The following RABGAP1L variants were observed in gnomAD, a reference collection of about 807,000 sequenced individuals.
RABGAP1L encodes RAB GTPase activating protein 1 like, also known as rab GTPase-activating protein 1-like.
RABGAP1L carries 63 observed loss-of-function variants against 137.7 expected under a neutral mutation model. That is an observed-to-expected ratio of 0.46 (90% CI 0.37 to 0.56). The LOEUF is 0.56. Among genes scored for constraint, RABGAP1L ranks in the 20% least tolerant of loss-of-function variants. RABGAP1L has a pLI of 0.00. For synonymous variants in RABGAP1L, 431 were observed against 433.7 expected (o/e 0.99, Z 0.08); for missense variants, 1,095 against 1,244.0 (o/e 0.88, Z 1.80).
At chr1:174,380,205 G>T (rs1685994365) in intron 12 of RABGAP1L, among the ~76,000 whole-genome samples, 1 of 151,672 alleles carries the variant, frequency 6.6e-6, no homozygotes, top group Non-Finnish European at 1.5e-5. Context: ...TTTTATTGAG[G>T]ATTTTTGCAT....
At chr1:174,347,488 TGTGTGTG>T (rs1558151239) in intron 11 of RABGAP1L, among the ~76,000 whole-genome samples, 3 of 151,658 alleles carry the variant, frequency 2.0e-5, no homozygotes, top group South Asian at 2.1e-4. Flanking sequence ...TGTGTGTGTG[TGTGTGTG>T]TGTGTTTTTT....
rs760151938 is a variant in RABGAP1L, at chr1:174,231,194, T to C, written c.381T>C (p.Asp127=). The C allele has an allele frequency of 4.3e-6, 7 of 1,613,794 alleles. No homozygotes were observed. The highest frequency in any genetic ancestry group is 5.9e-6 in the Non-Finnish European group (7 of 1,179,800). ...CTCCAGGTGGACTACCTGAAGAAGA[T>C]AGTGTTTTATTTAATAAACTGACCT... is the stretch of plus-strand genomic sequence containing the variant. The part of the protein sequence containing the change: ...PSSPGGLPEE[D]SVLFNKLTYL... Residue 127 remains aspartate, a synonymous_variant, in exon 4 of 26, where the codon GAT becomes GAC. Transcript: ENST00000681986.
chr1:174,346,738 T>C (rs1032470199), intron 11 of RABGAP1L, among the ~76,000 whole-genome samples: 15 of 151,992 alleles, frequency 9.9e-5, no homozygotes, highest in African/African-American at 3.6e-4. Context: ...TGGTGTGATA[T>C]TTATTATTTC....
intron 13 of RABGAP1L, among the ~76,000 whole-genome samples, chr1:174,581,285 G>T (rs1668726524): frequency 6.6e-6 from 1 of 152,174 alleles, no homozygotes; most frequent in Non-Finnish European, 1.5e-5. Flanking sequence ...TTCATAAAGT[G>T]CTGAAGAAAT....
intron 19 of RABGAP1L, among the ~76,000 whole-genome samples, chr1:174,910,671 C>T (rs969948700): frequency 2.0e-5 from 3 of 152,100 alleles, no homozygotes; most frequent in Admixed American, 2.0e-4. Context: ...CTAAAGACAC[C>T]ACCACAAAAC....
chr1:174,477,534 A>G (rs2149322222), intron 13 of RABGAP1L, among the ~76,000 whole-genome samples: 1 of 152,296 alleles, frequency 6.6e-6, no homozygotes, highest in South Asian at 2.1e-4. Flanking sequence ...TATTTCACAT[A>G]ATTTTCTGGT....
intron 13 of RABGAP1L, among the ~76,000 whole-genome samples, chr1:174,616,906 A>G (rs1265138749): frequency 6.6e-6 from 1 of 152,218 alleles, no homozygotes; most frequent in Non-Finnish European, 1.5e-5. Flanking sequence ...GATTCTTATA[A>G]TTAGTAAGGT....
At chr1:174,264,192 C>CA (rs1470055248) in intron 7 of RABGAP1L, among the ~76,000 whole-genome samples, 1 of 151,632 alleles carries the variant, frequency 6.6e-6, no homozygotes, top group Non-Finnish European at 1.5e-5. Context: ...TAAATTTACT[C>CA]ATTCTTTTTA....
chr1:174,475,772 TAAAAAAAAAAAAAAAAA>T (rs61597461), intron 13 of RABGAP1L, among the ~76,000 whole-genome samples: 2 of 69,938 alleles, frequency 2.9e-5, no homozygotes, highest in African/African-American at 1.2e-4. Flanking sequence ...CCCCGTGTCT[TAAAAAAAAAAAAAAAAA>T]AAAAAAAAAG....
chr1:174,790,756 T>A (rs1405964088), intron 18 of RABGAP1L, among the ~76,000 whole-genome samples: 1 of 151,786 alleles, frequency 6.6e-6, no homozygotes, highest in Non-Finnish European at 1.5e-5. Context: ...TGCATCTATT[T>A]GAAGCCATGA....
intron 10 of RABGAP1L, among the ~76,000 whole-genome samples, chr1:174,284,589 C>G (rs1453658484): frequency 6.6e-6 from 1 of 152,078 alleles, no homozygotes; most frequent in African/African-American, 2.4e-5. Context: ...ATATACCCAG[C>G]AGTGTGATAG....
At chr1:174,668,021 C>T (rs1676913175) in intron 14 of RABGAP1L, among the ~76,000 whole-genome samples, 1 of 152,114 alleles carries the variant, frequency 6.6e-6, no homozygotes, top group African/African-American at 2.4e-5. Flanking sequence ...GGACTGGGTA[C>T]AACCAAAGAT....
chr1:174,380,699 C>T (rs1434266105), intron 12 of RABGAP1L, among the ~76,000 whole-genome samples: 1 of 141,834 alleles, frequency 7.1e-6, no homozygotes. Flanking sequence ...ATTAGTCTTG[C>T]TAGCGGTCTA....
At chr1:174,420,002 T>C (rs1419228200) in intron 13 of RABGAP1L, among the ~76,000 whole-genome samples, 1 of 152,170 alleles carries the variant, frequency 6.6e-6, no homozygotes, top group Non-Finnish European at 1.5e-5. Flanking sequence ...ATTCTTATAC[T>C]ATTAATATTC....
rs992767559 is a variant in RABGAP1L, at chr1:174,838,774, G to A, written c.2340+26814G>A. The stretch of plus-strand genomic sequence containing the variant: ...CTACTAAAAATACAAAAAATTAGCC[G>A]GGCTTGCTGGCGGGCGCCTGTAGTC... On this transcript the variant is annotated intron_variant, in intron 19 of 25. Coordinates refer to ENST00000681986, the MANE Select transcript of RABGAP1L (RefSeq NM_001366446.1). Among the ~76,000 whole-genome samples the A allele has an allele frequency of 1.6e-4, 24 of 151,326 alleles. 1 individual carries two copies. Among genetic ancestry groups the A allele is most frequent in the African/African-American group, 5.6e-4 (23 of 41,250 alleles).
intron 13 of RABGAP1L, among the ~76,000 whole-genome samples, chr1:174,414,910 G>A (rs1044324129): frequency 4.7e-5 from 7 of 149,692 alleles, no homozygotes; most frequent in African/African-American, 9.8e-5. Flanking sequence ...CTATCAAATA[G>A]AAAAAAAAAT....
At chr1:174,603,981 C>G (rs1670598480) in intron 13 of RABGAP1L, among the ~76,000 whole-genome samples, 1 of 151,718 alleles carries the variant, frequency 6.6e-6, no homozygotes, top group East Asian at 2.0e-4. Flanking sequence ...GAAGGAGTTT[C>G]TTCTGGAGCT....
rs139494793 is a variant in RABGAP1L, at chr1:174,418,882, G to C, written c.1710+24737G>C. Among the ~76,000 whole-genome samples, 215 of 151,956 alleles carry C rather than the reference G, an allele frequency of 1.4e-3. 2 individuals carry two copies. Among genetic ancestry groups the C allele is most frequent in the Middle Eastern group, 6.8e-3 (2 of 294 alleles). Reference sequence around the variant, plus strand: ...GATGAAACCCTGTCTCTACGAAAATGCAAAAATTAGCCAGGTGTGGTAGTG... The same window carrying C: ...GATGAAACCCTGTCTCTACGAAAATCCAAAAATTAGCCAGGTGTGGTAGTG... On this transcript the variant is annotated intron_variant, in intron 13 of 25. Transcript: ENST00000681986.
At chr1:174,868,977 T>A (rs902951765) in intron 19 of RABGAP1L, among the ~76,000 whole-genome samples, 4 of 151,830 alleles carry the variant, frequency 2.6e-5, no homozygotes, top group Non-Finnish European at 5.9e-5. Flanking sequence ...TCATCTCTCC[T>A]GGACAAGGAA....
Sources: gnomAD v4.1 joint callset for allele counts (sites outside exome capture counted in the v4.1 genomes callset) on GRCh38, gnomAD v4.1.1 for gene constraint, MANE v1.5 for transcripts, NCBI Gene and HGNC (gene_info 2026-07-23, HGNC 2026-07-21) for gene names.